The following SARAF variants were observed in gnomAD, a reference collection of about 807,000 sequenced individuals.
SARAF encodes store-operated calcium entry associated regulatory factor, also known as store-operated calcium entry-associated regulatory factor.
A neutral mutation model predicts 39.7 loss-of-function variants in SARAF; 23 were observed. The observed-to-expected ratio is 0.58, with a 90% CI of 0.42 to 0.82. The LOEUF is 0.82. Ranked by LOEUF, SARAF falls within the 40% of genes least tolerant of loss-of-function variation. The probability of loss-of-function intolerance (pLI) is 0.00; values close to 1 mark genes in which losing one functional copy is unlikely to be tolerated. For missense variants in SARAF, 384 were observed against 418.5 expected (o/e 0.92, Z 0.72); for synonymous variants, 175 against 168.5 (o/e 1.04, Z -0.30).
chr8:30,079,276 G>GT (rs1308460949), intron 1 of SARAF, among the ~76,000 whole-genome samples: 2 of 152,102 alleles, frequency 1.3e-5, no homozygotes, highest in Non-Finnish European at 2.9e-5. Context: ...TGGGAATTCA[G>GT]TAAGATGAAG....
chr8:30,066,082 A>C lies in SARAF; in HGVS notation c.900T>G (p.Pro300=), dbSNP rs1451018714. The C allele has an allele frequency of 3.7e-6, 6 of 1,614,002 alleles. No homozygotes were observed. In the African/African-American group the frequency reaches 8.0e-5, roughly 22 times the overall value. The change falls in exon 5 of 6, where the codon CCT becomes CCG. Residue 300 remains proline, a synonymous_variant. Transcript: ENST00000256255. ...GTGAGTAAGCCCTATTCCACGTGCC[A>C]GGGTAGGAGGGAGGATAGGACGGGT... ...WYYPSYPPSY[P]GTWNRAYSPL...
intron 2 of SARAF, among the ~76,000 whole-genome samples, chr8:30,072,613 C>G (rs1254139108): frequency 6.6e-6 from 1 of 152,198 alleles, no homozygotes; most frequent in Non-Finnish European, 1.5e-5. Flanking sequence ...CTTCTAAGTA[C>G]TGTATTTAAA....
chr8:30,074,577 T>C (rs553396044), intron 1 of SARAF, among the ~76,000 whole-genome samples: 1 of 152,322 alleles, frequency 6.6e-6, no homozygotes, highest in Admixed American at 6.5e-5. Context: ...GCAGAATGTT[T>C]TGTATGACAG....
At chr8:30,081,645 T>C (rs1563358634) in intron 1 of SARAF, among the ~76,000 whole-genome samples, 1 of 152,176 alleles carries the variant, frequency 6.6e-6, no homozygotes, top group Non-Finnish European at 1.5e-5. Context: ...AATTCGACAA[T>C]GCAGGCATTT....
intron 2 of SARAF, among the ~76,000 whole-genome samples, chr8:30,070,763 C>T (rs1382322054): frequency 2.0e-5 from 3 of 152,158 alleles, no homozygotes; most frequent in African/African-American, 4.8e-5. Flanking sequence ...AGGCTCAAAA[C>T]AGCATCATAT....
chr8:30,079,937 G>T (rs1802060951), intron 1 of SARAF, among the ~76,000 whole-genome samples: 1 of 152,140 alleles, frequency 6.6e-6, no homozygotes, highest in Non-Finnish European at 1.5e-5. Context: ...CTGAACTCCA[G>T]ACTCATAAAT....
intron 1 of SARAF, among the ~76,000 whole-genome samples, chr8:30,079,627 C>T (rs1388013513): frequency 6.6e-6 from 1 of 152,216 alleles, no homozygotes; most frequent in Non-Finnish European, 1.5e-5. Flanking sequence ...GTGTCACTAA[C>T]TGGCTGTGAC....
intron 1 of SARAF, among the ~76,000 whole-genome samples, chr8:30,080,550 T>C (rs1208308412): frequency 2.0e-5 from 3 of 152,242 alleles, no homozygotes; most frequent in Non-Finnish European, 2.9e-5. Context: ...CTGTTTATTG[T>C]CTATTTCTCC....
intron 1 of SARAF, among the ~76,000 whole-genome samples, chr8:30,080,295 C>T (rs551668937): frequency 1.3e-5 from 2 of 152,226 alleles, no homozygotes; most frequent in Admixed American, 6.5e-5. Flanking sequence ...TCCCTCCTAC[C>T]CTCTTCGGTC....
At chr8:30,072,173 T>C (rs1217913934) in intron 2 of SARAF, among the ~76,000 whole-genome samples, 1 of 152,252 alleles carries the variant, frequency 6.6e-6, no homozygotes, top group Non-Finnish European at 1.5e-5. Context: ...ACTGTGGCTT[T>C]GATTTGCATT....
chr8:30,070,191 C>CTT, intron 2 of SARAF, 132 bp from the exon 3 acceptor site: 1 of 764,076 alleles, frequency 1.3e-6, no homozygotes, highest in Non-Finnish European at 2.1e-6. Context: ...GGGTGGATCA[C>CTT]GCGGTCAGGA....
chr8:30,066,856 C>T lies in SARAF; in HGVS notation c.763G>A (p.Gly255Arg), dbSNP rs765232122. ...AACCCTGGTCCTGAATTTTCATATC[C>T]TTGTTGTCCTGTAAAAGCACTGCCA... The part of the protein sequence containing the change: ...GFGSAFTGQQ[G>R]YENSGPGFWT... Residue 255 changes from glycine to arginine, a missense_variant, in exon 4 of 6, where the codon GGA becomes AGA. Transcript: ENST00000256255. 3.1e-6 allele frequency: 5 copies of T among 1,614,060 alleles called. No individual in the cohort carries two copies. Among genetic ancestry groups the T allele is most frequent in the African/African-American group, 1.3e-5 (1 of 74,938 alleles).
Position 30,073,944 on chromosome 8 carries a change from C to A in SARAF, c.215G>T (p.Gly72Val), listed in dbSNP as rs550575087. The A allele has an allele frequency of 1.9e-6, 3 of 1,614,146 alleles. No individual in the cohort carries two copies. Among genetic ancestry groups the A allele is most frequent in the African/African-American group, 2.7e-5 (2 of 75,018 alleles). The stretch of plus-strand genomic sequence containing the variant: ...GACTTTTGGGGTATAAGAATCACAA[C>A]CAGCTGTGCCTCCAACACATTTCAA... ...PQLKCVGGTAGCDSYTPKVIQ... is the reference protein window; with the variant it reads ...PQLKCVGGTAVCDSYTPKVIQ... Residue 72 changes from glycine to valine, a missense_variant, in exon 2 of 6, where the codon GGT (glycine) becomes GTT (valine). Gly to Val is a moderately radical substitution (Grantham distance 109). Coordinates refer to ENST00000256255, the MANE Select transcript of SARAF (RefSeq NM_016127.6).
At position 30,066,672 on chromosome 8, in the gene SARAF, C is replaced by T. The variant is rs538847256; in HGVS notation, c.842+105G>A. ...CAGAGAATCTTATTTAATAGGCTAA[C>T]GTCACCACAATTTATTTTCCTTAGC... On this transcript the variant is annotated intron_variant, in intron 4 of 5. Transcript: ENST00000256255. The T allele has an allele frequency of 1.1e-4, 150 of 1,421,500 alleles. No homozygotes were observed. The Middle Eastern group carries it at 1.3e-3, about 12-fold the overall frequency. The allele number at this position is 1,421,500 out of a possible 1,614,324, so 88.1% of individuals were successfully genotyped here. A position where few individuals can be genotyped will look rare whatever the true frequency, so the allele number is the denominator to read the frequency against.
intron 1 of SARAF, among the ~76,000 whole-genome samples, chr8:30,074,966 A>G (rs1236223180): frequency 1.3e-5 from 2 of 152,192 alleles, no homozygotes; most frequent in Admixed American, 6.5e-5. Flanking sequence ...TGAAAGGAGG[A>G]GTCAAAACAA....
intron 1 of SARAF, among the ~76,000 whole-genome samples, chr8:30,075,989 AAC>A (rs1491032050): frequency 8.2e-5 from 9 of 110,240 alleles, no homozygotes; most frequent in Non-Finnish European, 1.6e-4. Context: ...CCTAAAAAAA[AAC>A]AAAAAAAAAA....
intron 3 of SARAF, among the ~76,000 whole-genome samples, chr8:30,067,594 T>C (rs949830615): frequency 1.3e-4 from 20 of 152,308 alleles, no homozygotes; most frequent in African/African-American, 4.8e-4. Flanking sequence ...TCTCTTACCA[T>C]ATTTTAATTC....
intron 4 of SARAF, 146 bp downstream of exon 4, chr8:30,066,631 G>C: frequency 1.0e-6 from 1 of 959,856 alleles, no homozygotes; most frequent in Non-Finnish European, 1.6e-6. Flanking sequence ...CAAATATAGT[G>C]TACCTTCCCC....
rs1252812363 is a variant in SARAF at position 30,063,463 on chromosome 8, AATAAT to A, written c.*420_*424del. On this transcript the variant is annotated 3_prime_UTR_variant, in exon 6 of 6. Coordinates refer to ENST00000256255, the MANE Select transcript of SARAF (RefSeq NM_016127.6). ...AATGTTTGAAGAACAGCAAACATCA[AATAAT>A]ATAATACCAAATAGAATATTATAGT... 8.1e-5 allele frequency: 13 copies of A among 161,096 alleles called. No homozygotes were observed. Among genetic ancestry groups the A allele is most frequent in the African/African-American group, 1.2e-4 (5 of 41,750 alleles). The allele number at this position is 161,096 out of a possible 1,614,324, so 10.0% of individuals were successfully genotyped here. A position where few individuals can be genotyped will look rare whatever the true frequency, so the allele number is the denominator to read the frequency against.
Sources: allele counts gnomAD v4.1 joint callset (sites outside exome capture counted in the v4.1 genomes callset), GRCh38; gene constraint gnomAD v4.1.1; transcripts MANE v1.5; gene names NCBI Gene and HGNC (gene_info 2026-07-23, HGNC 2026-07-21).